The following IFT122 variants were observed in gnomAD, a reference collection of about 807,000 sequenced individuals.
The protein encoded by IFT122 is intraflagellar transport protein 122 homolog.
In IFT122, 118 loss-of-function variants were observed where a neutral mutation model predicts 161.6. The observed-to-expected ratio is 0.73, with a 90% CI of 0.63 to 0.85. IFT122 has a LOEUF of 0.85. Among genes scored for constraint, IFT122 ranks in the 40% least tolerant of loss-of-function variants. IFT122 has a pLI of 0.00. For synonymous variants in IFT122, 550 were observed against 602.4 expected (o/e 0.91, Z 1.27); for missense variants, 1,381 against 1,579.6 (o/e 0.87, Z 2.13).
At chr3:129,491,303 C>T (rs974675354) in intron 16 of IFT122, among the ~76,000 whole-genome samples, 1 of 152,186 alleles carries the variant, frequency 6.6e-6, no homozygotes, top group African/African-American at 2.4e-5. Context: ...GCTGCTGCCT[C>T]CTCTAGGCAC....
intron 4 of IFT122, 91 bp downstream of exon 4, chr3:129,458,768 T>C: frequency 2.0e-6 from 2 of 989,512 alleles, no homozygotes; most frequent in Non-Finnish European, 3.2e-6. Flanking sequence ...GAGAAAACTT[T>C]TTTCTCTTAA....
intron 17 of IFT122, among the ~76,000 whole-genome samples, chr3:129,494,200 TTTTG>T (rs1199242640): frequency 3.3e-5 from 5 of 149,702 alleles, no homozygotes; most frequent in African/African-American, 5.0e-5. Flanking sequence ...GTAAAACCTT[TTTTG>T]TTTGTTTGTT....
Position 129,461,208 on chromosome 3 carries a change from T to C in IFT122, c.273-20T>C. Reference sequence around the variant, plus strand: ...CTTTGTGGTTTGCTGCATAGTAATCTACAGTTGTTTACTTCCCAGGCACAA... The same window carrying C: ...CTTTGTGGTTTGCTGCATAGTAATCCACAGTTGTTTACTTCCCAGGCACAA... On this transcript the variant is annotated intron_variant, in intron 4 of 29. Transcript: ENST00000348417. 6.3e-7 allele frequency: 1 copy of C among 1,580,962 alleles called. No individual in the cohort carries two copies. The highest frequency in any genetic ancestry group is 8.7e-7 in the Non-Finnish European group (1 of 1,149,730).
At chr3:129,519,934 C>T (rs2084541006) in intron 29 of IFT122, among the ~76,000 whole-genome samples, 2 of 152,166 alleles carry the variant, frequency 1.3e-5, no homozygotes, top group Admixed American at 6.5e-5. Context: ...CTGTCCACAT[C>T]CTCCCCAAAT....
At chr3:129,443,136 G>A (rs1029000315) in intron 1 of IFT122, among the ~76,000 whole-genome samples, 1 of 152,202 alleles carries the variant, frequency 6.6e-6, no homozygotes, top group Non-Finnish European at 1.5e-5. Context: ...TACAACATGT[G>A]AGGTTGGAAT....
At chr3:129,445,691 G>T (rs2073910947) in intron 1 of IFT122, among the ~76,000 whole-genome samples, 1 of 152,174 alleles carries the variant, frequency 6.6e-6, no homozygotes, top group South Asian at 2.1e-4. Flanking sequence ...CCTGGCCCTT[G>T]CACTTGCTAG....
chr3:129,496,941 G>T (rs982598564), intron 18 of IFT122, among the ~76,000 whole-genome samples: 1 of 152,172 alleles, frequency 6.6e-6, no homozygotes, highest in Non-Finnish European at 1.5e-5. Context: ...TTTAGGGTTG[G>T]GAACCCCTGA....
intron 14 of IFT122, among the ~76,000 whole-genome samples, chr3:129,482,501 G>T (rs566529239): frequency 8.7e-4 from 132 of 152,272 alleles, no homozygotes; most frequent in African/African-American, 3.0e-3. Context: ...CCCCTTACCA[G>T]GCTCCTCCTT....
intron 9 of IFT122, among the ~76,000 whole-genome samples, chr3:129,470,639 C>T (rs1290786661): frequency 2.0e-5 from 3 of 151,526 alleles, no homozygotes; most frequent in Middle Eastern, 3.4e-3. Context: ...GGCTCAATCT[C>T]GGTTCACTGC....
At chr3:129,508,762 G>A (rs2082461081) in intron 23 of IFT122, among the ~76,000 whole-genome samples, 1 of 152,054 alleles carries the variant, frequency 6.6e-6, no homozygotes, top group African/African-American at 2.4e-5. Context: ...TTGTTGAGAT[G>A]GTTGAAGAAG....
chr3:129,442,309 T>A (rs1229835522), intron 1 of IFT122, among the ~76,000 whole-genome samples: 1 of 152,162 alleles, frequency 6.6e-6, no homozygotes, highest in East Asian at 1.9e-4. Flanking sequence ...GTCTTACTCG[T>A]TTCCAAATTA....
intron 26 of IFT122, among the ~76,000 whole-genome samples, chr3:129,517,268 G>GCACGCACACA (rs1553776446): frequency 9.9e-4 from 116 of 117,116 alleles, no homozygotes; most frequent in African/African-American, 3.6e-3. Flanking sequence ...CATTGCTCCT[G>GCACGCACACA]CACACACACA....
At chr3:129,460,859 G>T in intron 4 of IFT122, 2 of 1,613,096 alleles carry the variant, frequency 1.2e-6, no homozygotes, top group South Asian at 1.1e-5. Flanking sequence ...TCCAGATCTT[G>T]GTCTGTGATG....
Position 129,469,393 on chromosome 3 carries a change from C to G in IFT122, c.792C>G (p.Ser264=). 6.2e-7 allele frequency: 1 copy of G among 1,613,974 alleles called. No homozygotes were observed. Among genetic ancestry groups the G allele is most frequent in the Non-Finnish European group, 8.5e-7 (1 of 1,179,904 alleles). ...TGGCTGACTGGGGACAGAAAGTTTC[C>G]TTCTACCAGCTGAGTGGAAAACAGG... is the stretch of plus-strand genomic sequence containing the variant. The part of the protein sequence containing the change: ...LAVADWGQKV[S]FYQLSGKQIG... The change falls in exon 9 of 30, where the codon TCC becomes TCG. Residue 264 remains serine (S), a synonymous_variant. Transcript: ENST00000348417.
At position 129,506,476 on chromosome 3, in the gene IFT122, G is replaced by A. The variant is rs748931179; in HGVS notation, c.2718G>A (p.Val906=). The A allele has an allele frequency of 1.2e-6, 2 of 1,614,114 alleles. No homozygotes were observed. The highest frequency in any genetic ancestry group is 2.7e-5 in the African/African-American group (2 of 74,940). The stretch of plus-strand genomic sequence containing the variant: ...TGGAGCAGCTCACAAACAATGCCGT[G>A]GCGGAGAGCAGGTTTAATGATGCTG... The part of the protein sequence containing the change: ...QVLEQLTNNA[V]AESRFNDAAY... The change falls in exon 22 of 30, where the codon GTG becomes GTA. Residue 906 remains valine, a synonymous_variant. Coordinates refer to ENST00000348417, the MANE Select transcript of IFT122 (RefSeq NM_052989.3).
At chr3:129,463,873 C>T (rs2076437940) in intron 6 of IFT122, among the ~76,000 whole-genome samples, 1 of 152,196 alleles carries the variant, frequency 6.6e-6, no homozygotes, top group Admixed American at 6.5e-5. Flanking sequence ...TCCAGCTATA[C>T]TGAGTGGAGG....
intron 9 of IFT122, 47 bp from the exon 10 acceptor site, chr3:129,476,268 T>A (rs375273474): frequency 1.2e-6 from 2 of 1,605,740 alleles, no homozygotes; most frequent in Non-Finnish European, 1.7e-6. Context: ...GCAATGGTTA[T>A]GGATTCGGAA....
At chr3:129,442,603 T>C (rs1270800279) in intron 1 of IFT122, among the ~76,000 whole-genome samples, 2 of 151,350 alleles carry the variant, frequency 1.3e-5, no homozygotes, top group African/African-American at 2.4e-5. Flanking sequence ...ACAGTAGAAC[T>C]AAAAAAATCC....
Position 129,499,950 on chromosome 3 carries a change from A to G in IFT122, c.2257A>G (p.Lys753Glu). The change falls in exon 19 of 30, where the codon AAA becomes GAA. Residue 753 changes from lysine to glutamate, a missense_variant. Transcript: ENST00000348417. ...DPKETKMLIT[K>E]QADWARNIKE... ...CAAAGAAACAAAGATGCTAATCACC[A>G]AACAGGCTGACTGGGCCAGAAATAT... is the stretch of plus-strand genomic sequence containing the variant. 1 of 1,614,238 alleles carries G rather than the reference A, an allele frequency of 6.2e-7. No individual in the cohort carries two copies. Among genetic ancestry groups the G allele is most frequent in the Non-Finnish European group, 8.5e-7 (1 of 1,180,038 alleles).
Sources: allele counts gnomAD v4.1 joint callset (sites outside exome capture counted in the v4.1 genomes callset), GRCh38; gene constraint gnomAD v4.1.1; transcripts MANE v1.5; gene names NCBI Gene and HGNC (gene_info 2026-07-23, HGNC 2026-07-21).